SUGT1: variants seen among roughly 807,000 people sequenced by gnomAD.
SUGT1 encodes SGT1 assembly cochaperone of MIS12 kinetochore complex, also known as protein SGT1 homolog.
SUGT1 carries 15 observed loss-of-function variants against 56.1 expected under a neutral mutation model. The observed-to-expected ratio is 0.27, with a 90% CI of 0.18 to 0.41. The LOEUF (loss-of-function observed/expected upper bound fraction) is 0.41. Ranked by LOEUF, SUGT1 falls within the 10% of genes least tolerant of loss-of-function variation. The pLI is 1.00. For synonymous variants in SUGT1, 123 were observed against 128.6 expected (o/e 0.96, Z 0.30); for missense variants, 347 against 382.2 (o/e 0.91, Z 0.77).
Position 52,652,912 on chromosome 13 carries a change from C to G in SUGT1, c.-9C>G. ...GCAGCTCCGGCGGCAGCAACAGCGA[C>G]TACGAGGGATGGCGGCGGCTGCAGC... On this transcript the variant is annotated 5_prime_UTR_variant, in exon 1 of 13. Coordinates refer to ENST00000310528, the MANE Select transcript of SUGT1 (RefSeq NM_006704.5). The G allele has an allele frequency of 6.2e-7, 1 of 1,613,634 alleles. No homozygotes were observed. Among genetic ancestry groups the G allele is most frequent in the Non-Finnish European group, 8.5e-7 (1 of 1,179,720 alleles).
In SUGT1 at chr13:52,692,438, C is replaced by G. The variant is rs1300628229; in HGVS notation, c.*4603C>G. 1 of 39,550 alleles carries G rather than the reference C, an allele frequency of 2.5e-5. No homozygotes were observed. The highest frequency in any genetic ancestry group is 4.6e-5 in the Non-Finnish European group (1 of 21,704). The allele number at this position is 39,550 out of a possible 1,614,324, so 2.4% of individuals were successfully genotyped here. ...TTTTTTTTTTTTTTTTTGAGACAGTCTCACTCTGTCGTTCAGGGAAGGAAT... is the reference window on the plus strand; with the variant it reads ...TTTTTTTTTTTTTTTTTGAGACAGTGTCACTCTGTCGTTCAGGGAAGGAAT... On this transcript the variant is annotated 3_prime_UTR_variant, in exon 13 of 13. Coordinates refer to ENST00000310528, the MANE Select transcript of SUGT1 (RefSeq NM_006704.5).
chr13:52,670,861 C>T (rs1381357570), intron 10 of SUGT1, among the ~76,000 whole-genome samples: 1 of 151,990 alleles, frequency 6.6e-6, no homozygotes, highest in African/African-American at 2.4e-5. Context: ...GGTGAATTTG[C>T]CCTTGTGGAA....
Position 52,694,430 on chromosome 13 carries a change from CAG to C in SUGT1, c.*6598_*6599del, listed in dbSNP as rs555503794. ...AAAGTTTTTAATAATTTTACTTAAA[CAG>C]AGCTTAATTATGTAAGTATTGTCAG... On this transcript the variant is annotated 3_prime_UTR_variant, in exon 13 of 13. Coordinates refer to ENST00000310528, the MANE Select transcript of SUGT1 (RefSeq NM_006704.5). The C allele has an allele frequency of 1.6e-4, 25 of 152,294 alleles. No individual in the cohort carries two copies. The highest frequency in any genetic ancestry group is 1.0e-3 in the South Asian group (5 of 4,828). The allele number at this position is 152,294 out of a possible 1,614,324, so 9.4% of individuals were successfully genotyped here.
intron 11 of SUGT1, among the ~76,000 whole-genome samples, chr13:52,678,228 G>A (rs1349709803): frequency 6.6e-6 from 1 of 152,220 alleles, no homozygotes; most frequent in South Asian, 2.1e-4. Flanking sequence ...AAAGATAGAA[G>A]GATATCTAGT....
At chr13:52,663,848 G>A (rs536497729) in intron 7 of SUGT1, among the ~76,000 whole-genome samples, 187 bp from the exon 8 acceptor site, 125 of 151,890 alleles carry the variant, frequency 8.2e-4, no homozygotes, top group Non-Finnish European at 1.4e-3. Flanking sequence ...ATTTTTTTCC[G>A]AAAACTAGTG....
chr13:52,678,737 G>A (rs1389665007), intron 11 of SUGT1, among the ~76,000 whole-genome samples: 1 of 151,182 alleles, frequency 6.6e-6, no homozygotes, highest in African/African-American at 2.4e-5. Context: ...GGAATGCAGT[G>A]GCACTGTCAT....
At chr13:52,664,298 T>C (rs1962587219) in intron 8 of SUGT1, among the ~76,000 whole-genome samples, 1 of 152,236 alleles carries the variant, frequency 6.6e-6, no homozygotes, top group African/African-American at 2.4e-5. Flanking sequence ...TTTCATATTA[T>C]GTTACCTTTC....
chr13:52,657,482 G>C, intron 2 of SUGT1, 50 bp from the exon 3 acceptor site: 2 of 1,479,044 alleles, frequency 1.4e-6, no homozygotes, highest in Non-Finnish European at 1.9e-6. Flanking sequence ...ATTAGAATTT[G>C]ATGGCTTCTT....
intron 2 of SUGT1, among the ~76,000 whole-genome samples, chr13:52,654,508 T>C (rs930359431): frequency 6.6e-6 from 1 of 152,232 alleles, no homozygotes; most frequent in Admixed American, 6.5e-5. Context: ...GTCTATAGTT[T>C]GATGAGTTTT....
rs202155148 is a variant in SUGT1 at position 52,679,981 on chromosome 13, G to T, written c.726G>T (p.Lys242Asn). 303 of 1,588,964 alleles carry T rather than the reference G, an allele frequency of 1.9e-4. No homozygotes were observed. Among genetic ancestry groups the T allele is most frequent in the Non-Finnish European group, 2.4e-4 (285 of 1,173,292 alleles). ...PTPKQFVADV[K>N]NLYPSSSPYT... ...CCTTTTTTTACTTCATAGATGTAAA[G>T]AACCTATATCCATCATCATCTCCTT... The change falls in exon 12 of 13, where the codon AAG (lysine) becomes AAT (asparagine). Residue 242 changes from lysine to asparagine, a missense_variant. Transcript: ENST00000310528.
chr13:52,662,553 A>G (rs1190322335), intron 5 of SUGT1, 96 bp from the exon 6 acceptor site: 1 of 1,298,064 alleles, frequency 7.7e-7, no homozygotes, highest in African/African-American at 1.5e-5. Flanking sequence ...CCCAGTGCCT[A>G]GAACACTGCC....
chr13:52,665,757 A>C (rs1436728726), intron 9 of SUGT1, 24 bp downstream of exon 9: 1 of 1,505,582 alleles, frequency 6.6e-7, no homozygotes, highest in Admixed American at 2.1e-5. Flanking sequence ...ATCATTTTTC[A>C]ATGTTGATTA....
At position 52,662,651 on chromosome 13, in the gene SUGT1, G is replaced by A; in HGVS notation, c.331G>A (p.Ala111Thr). ...TFTEGQKLDS[A>T]DANFSVWIKR... ...TATAGTCAGTTTTTTCTTTCTAGGT[G>A]CAGATGCTAATTTCAGTGTCTGGAT... Residue 111 changes from alanine to threonine, a missense_variant and splice_region_variant, in exon 6 of 13, where the codon GCA (alanine) becomes ACA (threonine). By Grantham distance (58) the Ala-to-Thr change is moderately conservative (BLOSUM62 0). Transcript: ENST00000310528. The A allele has an allele frequency of 6.2e-7, 1 of 1,613,778 alleles. No individual in the cohort carries two copies. Among genetic ancestry groups the A allele is most frequent in the Non-Finnish European group, 8.5e-7 (1 of 1,179,768 alleles).
chr13:52,665,706 T>A lies in SUGT1; in HGVS notation c.492T>A (p.Asp164Glu). 6.2e-7 allele frequency: 1 copy of A among 1,607,010 alleles called. No individual in the cohort carries two copies. The highest frequency in any genetic ancestry group is 8.5e-7 in the Non-Finnish European group (1 of 1,177,952). Residue 164 changes from aspartate to glutamate, a missense_variant, in exon 9 of 13, where the codon GAT (aspartate) becomes GAA (glutamate). Coordinates refer to ENST00000310528, the MANE Select transcript of SUGT1 (RefSeq NM_006704.5). ...TLMIKNVQKN[D>E]VNVEFSEKEL... The stretch of plus-strand genomic sequence containing the variant: ...TGATCAAGAATGTTCAGAAGAATGA[T>A]GTAAATGTGGAATTTTCAGAAAAAG...
At chr13:52,680,998 C>T (rs9536237) in intron 12 of SUGT1, among the ~76,000 whole-genome samples, 5,450 of 152,160 alleles carry the variant, frequency 0.036, 129 homozygotes, top group South Asian at 0.063. Context: ...TGCACCACCA[C>T]GCCTGGCTAC....
chr13:52,686,155 T>A (rs1449671059), intron 12 of SUGT1, among the ~76,000 whole-genome samples: 1 of 152,050 alleles, frequency 6.6e-6, no homozygotes, highest in African/African-American at 2.4e-5. Flanking sequence ...CTTGAACTCC[T>A]GACCTCAGGT....
At chr13:52,682,123 C>G (rs1963400487) in intron 12 of SUGT1, among the ~76,000 whole-genome samples, 1 of 152,092 alleles carries the variant, frequency 6.6e-6, no homozygotes, top group African/African-American at 2.4e-5. Context: ...GTCTTATTAA[C>G]TCTTTGCCTA....
chr13:52,653,132 C>T, intron 2 of SUGT1, 29 bp downstream of exon 2: 1 of 1,613,942 alleles, frequency 6.2e-7, no homozygotes, highest in Non-Finnish European at 8.5e-7. Flanking sequence ...GCTTCCTCCA[C>T]TCTTCTTAGG....
At chr13:52,683,135 G>A (rs1594256073) in intron 12 of SUGT1, among the ~76,000 whole-genome samples, 1 of 151,946 alleles carries the variant, frequency 6.6e-6, no homozygotes, top group African/African-American at 2.4e-5. Flanking sequence ...TGCAACTTCC[G>A]CACTGTGTTG....
Sources: gnomAD v4.1 joint callset for allele counts (sites outside exome capture counted in the v4.1 genomes callset) on GRCh38, gnomAD v4.1.1 for gene constraint, MANE v1.5 for transcripts, NCBI Gene and HGNC (gene_info 2026-07-23, HGNC 2026-07-21) for gene names.